The following EXOC4 variants were observed in gnomAD, a reference collection of about 807,000 sequenced individuals.
EXOC4 encodes SEC8-like 1.
Under a neutral mutation model 107.2 loss-of-function variants are expected in EXOC4, and 71 were observed. The observed-to-expected ratio is 0.66, with a 90% CI of 0.55 to 0.81. The LOEUF is 0.81. Among genes scored for constraint, EXOC4 ranks in the 30% least tolerant of loss-of-function variants. EXOC4 has a pLI of 0.00. For missense variants in EXOC4, 1,108 were observed against 1,189.6 expected (o/e 0.93, Z 1.01); for synonymous variants, 456 against 441.2 (o/e 1.03, Z -0.42).
At chr7:133,599,901 TTTTTTTTTTTTTTTG>T (rs1456232617) in intron 9 of EXOC4, among the ~76,000 whole-genome samples, 1 of 109,160 alleles carries the variant, frequency 9.2e-6, no homozygotes, top group African/African-American at 4.0e-5. Context: ...ATTTTTTTTT[TTTTTTTTTTTTTTTG>T]GGAGACAGGG....
chr7:133,777,259 C>T (rs1388970305), intron 10 of EXOC4, among the ~76,000 whole-genome samples: 2 of 137,506 alleles, frequency 1.5e-5, no homozygotes, highest in Admixed American at 1.6e-4. Context: ...TAGGCCTGTG[C>T]TTAGTCTAAG....
At chr7:133,723,319 T>C (rs1308915834) in intron 10 of EXOC4, among the ~76,000 whole-genome samples, 2 of 152,226 alleles carry the variant, frequency 1.3e-5, no homozygotes, top group African/African-American at 4.8e-5. Flanking sequence ...GCTTTCACTC[T>C]TCCACCTCCC....
chr7:133,946,027 C>T (rs1474775412), intron 14 of EXOC4, among the ~76,000 whole-genome samples: 1 of 152,154 alleles, frequency 6.6e-6, no homozygotes, highest in Non-Finnish European at 1.5e-5. Context: ...GAACTCTATG[C>T]GTGGTAATTC....
chr7:133,690,353 C>T (rs1245142381), intron 10 of EXOC4, among the ~76,000 whole-genome samples: 1 of 152,164 alleles, frequency 6.6e-6, no homozygotes, highest in Non-Finnish European at 1.5e-5. Context: ...TCGTGAGATA[C>T]CTCCTCCTCA....
At chr7:133,837,812 T>G (rs1428710497) in intron 11 of EXOC4, among the ~76,000 whole-genome samples, 2 of 152,210 alleles carry the variant, frequency 1.3e-5, no homozygotes, top group Non-Finnish European at 2.9e-5. Context: ...GTTTTCTCTT[T>G]GGAGGTGTCT....
At chr7:133,397,146 G>C (rs1252113544) in intron 7 of EXOC4, among the ~76,000 whole-genome samples, 1 of 84,614 alleles carries the variant, frequency 1.2e-5, no homozygotes, top group East Asian at 3.2e-4. Context: ...TTTTTTTTTT[G>C]AGACGGAATT....
intron 10 of EXOC4, among the ~76,000 whole-genome samples, chr7:133,794,551 A>G (rs1037384250): frequency 1.3e-5 from 2 of 152,182 alleles, no homozygotes; most frequent in Non-Finnish European, 2.9e-5. Context: ...TTACTAGGCT[A>G]TTCCATCTTT....
intron 9 of EXOC4, among the ~76,000 whole-genome samples, chr7:133,543,337 A>G (rs1212888274): frequency 6.6e-6 from 1 of 152,108 alleles, no homozygotes; most frequent in African/African-American, 2.4e-5. Flanking sequence ...AATTCTGTTT[A>G]TTCCACCCAA....
intron 1 of EXOC4, among the ~76,000 whole-genome samples, chr7:133,271,036 A>G (rs1793857385): frequency 6.6e-6 from 1 of 150,598 alleles, no homozygotes; most frequent in Non-Finnish European, 1.5e-5. Flanking sequence ...CTCTTGCCTC[A>G]GCCTCCCGAA....
At chr7:133,905,042 A>G (rs1031054416) in intron 12 of EXOC4, among the ~76,000 whole-genome samples, 9 of 152,188 alleles carry the variant, frequency 5.9e-5, no homozygotes, top group Non-Finnish European at 7.3e-5. Context: ...ATACAATTCA[A>G]ATGATCCAAA....
At chr7:133,902,677 A>T (rs1799479442) in intron 12 of EXOC4, among the ~76,000 whole-genome samples, 1 of 151,968 alleles carries the variant, frequency 6.6e-6, no homozygotes, top group Admixed American at 6.6e-5. Flanking sequence ...ACATGGTGAA[A>T]CCCCGTCTCT....
chr7:133,348,636 T>G (rs1485093398), intron 5 of EXOC4, among the ~76,000 whole-genome samples: 1 of 152,198 alleles, frequency 6.6e-6, no homozygotes, highest in Non-Finnish European at 1.5e-5. Flanking sequence ...TTTTGCGTAT[T>G]TCTACCCGCA....
At chr7:133,601,298 AT>A (rs1390766563) in intron 9 of EXOC4, among the ~76,000 whole-genome samples, 3 of 151,936 alleles carry the variant, frequency 2.0e-5, no homozygotes, top group Non-Finnish European at 4.4e-5. Context: ...CTTTCTGTTT[AT>A]TAGTGGAAAT....
intron 11 of EXOC4, among the ~76,000 whole-genome samples, chr7:133,837,241 G>A (rs1436653375): frequency 1.3e-5 from 2 of 152,148 alleles, no homozygotes; most frequent in Non-Finnish European, 2.9e-5. Context: ...TCCTCTAGGA[G>A]GGTTCATCCT....
intron 5 of EXOC4, among the ~76,000 whole-genome samples, chr7:133,344,951 T>C (rs1795751397): frequency 6.6e-6 from 1 of 152,162 alleles, no homozygotes; most frequent in Non-Finnish European, 1.5e-5. Context: ...TACAGTTGTT[T>C]TGGATTTTGG....
At chr7:133,449,421 C>T (rs1294421974) in intron 7 of EXOC4, among the ~76,000 whole-genome samples, 1 of 152,220 alleles carries the variant, frequency 6.6e-6, no homozygotes, top group Non-Finnish European at 1.5e-5. Context: ...GAAACTAACA[C>T]ACCTCTCAAG....
rs534203985 is a variant in EXOC4, at chr7:133,709,234, A to G, written c.1514+79093A>G. On this transcript the variant is annotated intron_variant, in intron 10 of 17. Transcript: ENST00000253861. ...GCTGTGTCTGCCAAGGTGGACATTG[A>G]TGGAGGTGCTGTAGAAACATATAGA... Among the ~76,000 whole-genome samples the G allele has an allele frequency of 1.8e-4, 27 of 152,332 alleles. No individual in the cohort carries two copies. The South Asian group carries it at 5.6e-3, about 32-fold the overall frequency.
chr7:134,003,657 A>G (rs1156612676), intron 15 of EXOC4, among the ~76,000 whole-genome samples: 1 of 151,930 alleles, frequency 6.6e-6, no homozygotes, highest in African/African-American at 2.4e-5. Flanking sequence ...CAGACAGAGC[A>G]CCTAAAACAA....
At chr7:133,807,551 G>A (rs907772572) in intron 10 of EXOC4, among the ~76,000 whole-genome samples, 1 of 151,834 alleles carries the variant, frequency 6.6e-6, no homozygotes, top group African/African-American at 2.4e-5. Flanking sequence ...TGAATAAATT[G>A]CAGTTTTTCT....
Sources: allele counts gnomAD v4.1 joint callset (sites outside exome capture counted in the v4.1 genomes callset), GRCh38; gene constraint gnomAD v4.1.1; transcripts MANE v1.5; gene names NCBI Gene and HGNC (gene_info 2026-07-23, HGNC 2026-07-21).